Variants in DCDC2C observed in about 807,000 individuals in gnomAD.
DCDC2C encodes doublecortin domain containing 2C.
A neutral mutation model predicts 45.0 loss-of-function variants in DCDC2C; 44 were observed. That is an observed-to-expected ratio of 0.98 (90% CI 0.77 to 1.26). The LOEUF is 1.26. Among genes scored for constraint, DCDC2C ranks in the 50% most tolerant of loss-of-function variants. The pLI is 0.00. For missense variants in DCDC2C, 447 were observed against 468.9 expected, an observed-to-expected ratio of 0.95 and a Z score of 0.43; for synonymous variants, 187 against 178.8, an observed-to-expected ratio of 1.05 and a Z score of -0.37.
intron 2 of DCDC2C, among the ~76,000 whole-genome samples, chr2:3,722,726 A>G (rs1196423978): frequency 6.6e-6 from 1 of 152,226 alleles, no homozygotes; most frequent in Non-Finnish European, 1.5e-5. Flanking sequence ...AAAAATCCAG[A>G]ATCACATTAT....
At chr2:3,768,825 C>T (rs972456592) in intron 7 of DCDC2C, among the ~76,000 whole-genome samples, 16 of 152,206 alleles carry the variant, frequency 1.1e-4, no homozygotes, top group African/African-American at 3.1e-4. Flanking sequence ...CCAACTGCCT[C>T]GGCCTCCCAA....
chr2:3,709,388 C>T (rs936443877), intron 2 of DCDC2C, among the ~76,000 whole-genome samples: 2 of 152,356 alleles, frequency 1.3e-5, no homozygotes. Context: ...CCACATCTTA[C>T]AGAAGCGGCT....
At chr2:3,769,203 A>C in intron 7 of DCDC2C, 108 bp from the exon 8 acceptor site, 1 of 1,057,148 alleles carries the variant, frequency 9.5e-7, no homozygotes, top group Non-Finnish European at 1.4e-6. Context: ...GGCCTGCCCG[A>C]AGCTCCAGGA....
intron 10 of DCDC2C, among the ~76,000 whole-genome samples, chr2:3,800,475 C>G (rs943982886): frequency 1.3e-5 from 2 of 152,166 alleles, no homozygotes; most frequent in African/African-American, 2.4e-5. Context: ...GACATAATAG[C>G]CTCATTCTGG....
chr2:3,790,894 G>A (rs1239729216), intron 10 of DCDC2C, among the ~76,000 whole-genome samples: 1 of 152,086 alleles, frequency 6.6e-6, no homozygotes, highest in Non-Finnish European at 1.5e-5. Context: ...AGATCACGAG[G>A]TCAGGAGATC....
intron 4 of DCDC2C, 110 bp downstream of exon 4, chr2:3,742,158 C>A (rs1167097437): frequency 4.8e-6 from 6 of 1,254,332 alleles, no homozygotes; most frequent in Non-Finnish European, 5.3e-6. Flanking sequence ...TCACCATAAA[C>A]TCTTAATTTT....
chr2:3,836,853 C>T (rs1220180017), intron 10 of DCDC2C, among the ~76,000 whole-genome samples: 2 of 100,612 alleles, frequency 2.0e-5, no homozygotes, highest in Non-Finnish European at 4.1e-5. Context: ...CAGAGCGAGA[C>T]TCCGTCTCAA....
chr2:3,819,364 C>T (rs543948246), intron 10 of DCDC2C, among the ~76,000 whole-genome samples: 8 of 152,352 alleles, frequency 5.3e-5, no homozygotes, highest in African/African-American at 1.7e-4. Flanking sequence ...GCACTTGAAG[C>T]AAGATCCTGG....
intron 2 of DCDC2C, among the ~76,000 whole-genome samples, chr2:3,720,369 G>A (rs1300609309): frequency 6.8e-6 from 1 of 148,126 alleles, no homozygotes; most frequent in African/African-American, 2.7e-5. Flanking sequence ...ACTAAAGCCT[G>A]CACTCTCCCT....
chr2:3,737,083 G>A (rs527245813), intron 3 of DCDC2C, among the ~76,000 whole-genome samples: 4 of 152,132 alleles, frequency 2.6e-5, no homozygotes, highest in South Asian at 4.2e-4. Context: ...TGTACCCCCC[G>A]CCACTGCCCA....
In DCDC2C at chr2:3,721,406, A is replaced by C. The variant is rs574519420; in HGVS notation, c.340-5597A>C. On this transcript the variant is annotated intron_variant, in intron 2 of 10. Coordinates refer to ENST00000399143, the MANE Select transcript of DCDC2C (RefSeq NM_001287444.2). ...ATCAAAACAATTTGCTTCATATGAGATCCTCCTGTAGTGAAGTCCTTTCCT... is the reference window on the plus strand; with the variant it reads ...ATCAAAACAATTTGCTTCATATGAGCTCCTCCTGTAGTGAAGTCCTTTCCT... Among the ~76,000 whole-genome samples the C allele has an allele frequency of 9.2e-5, 14 of 152,212 alleles. No homozygotes were observed. In the South Asian group the frequency reaches 2.9e-3, roughly 32 times the overall value.
chr2:3,740,678 ATTTCT>A lies in DCDC2C; in HGVS notation c.417-1238_417-1234del, dbSNP rs558255232. Among the ~76,000 whole-genome samples the A allele has an allele frequency of 2.5e-3, 386 of 152,324 alleles. 2 individuals are homozygous for A. The highest frequency in any genetic ancestry group is 8.8e-3 in the African/African-American group (366 of 41,574). ...AATTCTGATATAACTTGCATGGAAC[ATTTCT>A]TTTTATGACTTCTTGTGGGCAGCGT... On this transcript the variant is annotated intron_variant, in intron 3 of 10. Transcript: ENST00000399143.
In DCDC2C at chr2:3,744,339, G is replaced by A. The variant is rs116639675; in HGVS notation, c.545+2291G>A. Among the ~76,000 whole-genome samples, 1,344 of 152,286 alleles carry A rather than the reference G, an allele frequency of 8.8e-3. 12 individuals carry two copies. The highest frequency in any genetic ancestry group is 0.012 in the Non-Finnish European group (817 of 68,022). On this transcript the variant is annotated intron_variant, in intron 4 of 10. Transcript: ENST00000399143. ...TCAGTTGGGTGGCATCAGGCCCAGC[G>A]TCCGGCTGTTGGTGCAGATTAGAGG...
intron 3 of DCDC2C, among the ~76,000 whole-genome samples, chr2:3,736,691 C>T (rs764738706): frequency 2.0e-5 from 3 of 152,146 alleles, no homozygotes; most frequent in Non-Finnish European, 4.4e-5. Flanking sequence ...CTGATGATTT[C>T]AATTGCAGTG....
At chr2:3,717,758 C>A (rs34927365) in intron 2 of DCDC2C, among the ~76,000 whole-genome samples, 1 of 151,984 alleles carries the variant, frequency 6.6e-6, no homozygotes, top group African/African-American at 2.4e-5. Flanking sequence ...TGCCTCTCAC[C>A]GCTCCTCCCT....
At chr2:3,727,167 C>T (rs1668712287) in intron 3 of DCDC2C, 88 bp downstream of exon 3, 4 of 1,112,404 alleles carry the variant, frequency 3.6e-6, no homozygotes, top group South Asian at 2.8e-5. Flanking sequence ...GCCCCTCAGC[C>T]CCCTTTCTGT....
chr2:3,778,752 C>T lies in DCDC2C; in HGVS notation c.955-64C>T, dbSNP rs558516571. On this transcript the variant is annotated intron_variant, in intron 8 of 10. Transcript: ENST00000399143. The stretch of plus-strand genomic sequence containing the variant: ...AGAAGGTCGCACTATTTCACGTGCT[C>T]TCTGATTTTTTAAAAGGAGTTCCAC... The T allele has an allele frequency of 8.7e-5, 129 of 1,491,106 alleles. No homozygotes were observed. The African/African-American group carries it at 1.5e-3, about 17-fold the overall frequency. The allele number at this position is 1,491,106 out of a possible 1,614,324, so 92.4% of individuals were successfully genotyped here. A position where few individuals can be genotyped will look rare whatever the true frequency, so the allele number is the denominator to read the frequency against.
At chr2:3,837,209 C>T (rs1672103893) in intron 10 of DCDC2C, among the ~76,000 whole-genome samples, 1 of 152,116 alleles carries the variant, frequency 6.6e-6, no homozygotes, top group Admixed American at 6.5e-5. Context: ...AAACGGTATT[C>T]GGAGTTTTGC....
intron 10 of DCDC2C, among the ~76,000 whole-genome samples, chr2:3,826,291 T>C (rs1253073319): frequency 1.3e-5 from 2 of 152,220 alleles, no homozygotes; most frequent in Non-Finnish European, 2.9e-5. Context: ...TTTAAAGTTT[T>C]TCATGGCTCT....
Sources: gnomAD v4.1 joint callset for allele counts (sites outside exome capture counted in the v4.1 genomes callset) on GRCh38, gnomAD v4.1.1 for gene constraint, MANE v1.5 for transcripts, NCBI Gene and HGNC (gene_info 2026-07-23, HGNC 2026-07-21) for gene names.